Variants in PON3 observed in about 807,000 individuals in gnomAD.
The protein encoded by PON3 is serum paraoxonase/lactonase 3.
In PON3, 37 loss-of-function variants were observed where a neutral mutation model predicts 36.3. That is an observed-to-expected ratio of 1.02 (90% CI 0.78 to 1.34). The LOEUF is 1.34. Among genes scored for constraint, PON3 ranks in the 40% most tolerant of loss-of-function variants. The probability of loss-of-function intolerance (pLI) is 0.00; values close to 1 mark genes in which losing one functional copy is unlikely to be tolerated. For synonymous variants in PON3, 155 were observed against 154.8 expected (o/e 1.00, Z -0.01); for missense variants, 415 against 426.5 (o/e 0.97, Z 0.24).
chr7:95,370,604 T>A lies in PON3; in HGVS notation c.367+1569A>T, dbSNP rs1200658222. On this transcript the variant is annotated intron_variant, in intron 4 of 8. Coordinates refer to ENST00000265627, the MANE Select transcript of PON3 (RefSeq NM_000940.3). ...TTTCATGGAATTCTAGCACTTCAAT[T>A]TGGTCCTCCTTTCATGTGGTTACTG... 2.6e-5 allele frequency among the ~76,000 whole-genome samples: 4 copies of A among 152,332 alleles called. No homozygotes were observed. In the East Asian group the frequency reaches 7.7e-4, roughly 29 times the overall value.
chr7:95,385,189 A>T (rs760700370), intron 3 of PON3, among the ~76,000 whole-genome samples: 2 of 151,828 alleles, frequency 1.3e-5, no homozygotes, highest in Non-Finnish European at 1.5e-5. Context: ...AACATCACAC[A>T]CTGGGGCCTG....
chr7:95,375,697 G>A (rs1808901230), intron 3 of PON3, among the ~76,000 whole-genome samples: 1 of 152,164 alleles, frequency 6.6e-6, no homozygotes, highest in African/African-American at 2.4e-5. Flanking sequence ...AAACAAGCTT[G>A]GTCTAGATTA....
chr7:95,382,528 C>A (rs1225267966), intron 3 of PON3, among the ~76,000 whole-genome samples: 3 of 152,188 alleles, frequency 2.0e-5, no homozygotes, highest in Non-Finnish European at 2.9e-5. Flanking sequence ...GATATCACCA[C>A]TGATCCCACA....
chr7:95,367,746 T>C (rs541006576), intron 4 of PON3, among the ~76,000 whole-genome samples: 2 of 152,308 alleles, frequency 1.3e-5, no homozygotes, highest in East Asian at 3.9e-4. Context: ...CCATAGTCAC[T>C]TCACCCTTAT....
At chr7:95,384,679 T>C (rs1156319718) in intron 3 of PON3, among the ~76,000 whole-genome samples, 2 of 152,068 alleles carry the variant, frequency 1.3e-5, no homozygotes, top group South Asian at 2.1e-4. Context: ...AGAATGACGA[T>C]CATTAAAAGT....
intron 4 of PON3, among the ~76,000 whole-genome samples, chr7:95,371,057 T>A (rs1375247123): frequency 6.6e-6 from 1 of 152,230 alleles, no homozygotes; most frequent in African/African-American, 2.4e-5. Context: ...TGTGTGGCTT[T>A]TAGTGACTAA....
intron 3 of PON3, among the ~76,000 whole-genome samples, chr7:95,376,432 C>A (rs1259223379): frequency 6.6e-6 from 1 of 152,038 alleles, no homozygotes; most frequent in Non-Finnish European, 1.5e-5. Flanking sequence ...AAAGGAGAAA[C>A]CAAAAGAACA....
At chr7:95,364,761 T>C (rs965754034) in intron 5 of PON3, 1 of 153,134 alleles carries the variant, frequency 6.5e-6, no homozygotes, top group African/African-American at 2.4e-5. Flanking sequence ...ACCCAGTTCA[T>C]CTGGACCTTT....
At chr7:95,379,839 A>T (rs965936086) in intron 3 of PON3, among the ~76,000 whole-genome samples, 19 of 152,202 alleles carry the variant, frequency 1.2e-4, no homozygotes, top group Non-Finnish European at 1.9e-4. Context: ...CCTATCTGAC[A>T]GCTTTGAAGA....
chr7:95,377,322 T>A (rs1414161632), intron 3 of PON3, among the ~76,000 whole-genome samples: 2 of 152,164 alleles, frequency 1.3e-5, no homozygotes, highest in East Asian at 3.9e-4. Flanking sequence ...TTGCTGTAGA[T>A]TCCACCTCTG....
intron 3 of PON3, among the ~76,000 whole-genome samples, chr7:95,373,651 T>C (rs1207685013): frequency 6.6e-6 from 1 of 152,186 alleles, no homozygotes; most frequent in Non-Finnish European, 1.5e-5. Flanking sequence ...GTCTAGCTCT[T>C]ATATAGGGCA....
rs538886189 is a variant in PON3, at chr7:95,377,621, TACCC to T, written c.202-5287_202-5284del. 3.8e-3 allele frequency: 1,587 copies of T among 414,962 alleles called. 24 individuals carry two copies. The highest frequency in any genetic ancestry group is 0.031 in the African/African-American group (1,473 of 47,336). 25.7% of individuals were successfully genotyped at this position (414,962 alleles called of 1,614,324 possible). On this transcript the variant is annotated intron_variant, in intron 3 of 8. Transcript: ENST00000265627. ...GCCGTTCTGCAGCCTCCACTGGTGA[TACCC>T]AGGCAAACAGGGTCTGGAGTGGACT...
In PON3 at chr7:95,396,298, C is replaced by G. The variant is rs780152760; in HGVS notation, c.53G>C (p.Gly18Ala). ...VLLGVGLSLVGEMFLAFRERV... is the reference protein window; with the variant it reads ...VLLGVGLSLVAEMFLAFRERV... ...TCACCTAAACGCCAGGAACATCTCCCCGACTAAGGACAGGCCGACCCCCAG... is the reference window on the plus strand; with the variant it reads ...TCACCTAAACGCCAGGAACATCTCCGCGACTAAGGACAGGCCGACCCCCAG... Residue 18 changes from glycine (G) to alanine (A), a missense_variant, in exon 1 of 9, where the codon GGG (glycine) becomes GCG (alanine). By Grantham distance (60) the Gly-to-Ala change is moderately conservative. Transcript: ENST00000265627. 2.9e-5 allele frequency: 46 copies of G among 1,613,936 alleles called. No homozygotes were observed. The highest frequency in any genetic ancestry group is 3.9e-5 in the Non-Finnish European group (46 of 1,180,000).
intron 4 of PON3, among the ~76,000 whole-genome samples, chr7:95,371,663 T>C (rs1808810245): frequency 6.6e-6 from 1 of 152,218 alleles, no homozygotes; most frequent in Non-Finnish European, 1.5e-5. Flanking sequence ...TGTTAAGTTG[T>C]AAGAATTATT....
At position 95,376,885 on chromosome 7, in the gene PON3, T is replaced by C. The variant is rs549588469; in HGVS notation, c.202-4547A>G. Among the ~76,000 whole-genome samples the C allele has an allele frequency of 1.5e-3, 229 of 152,270 alleles. 1 individual carries two copies. Among genetic ancestry groups the C allele is most frequent in the Middle Eastern group, 0.01 (3 of 294 alleles). On this transcript the variant is annotated intron_variant, in intron 3 of 8. Coordinates refer to ENST00000265627, the MANE Select transcript of PON3 (RefSeq NM_000940.3). ...CGACTGAGGTACCTGGTCCATCTCA[T>C]TGGGACTGGTTGGACAGTGGGTGCA...
chr7:95,390,835 T>A (rs781163998), intron 2 of PON3, among the ~76,000 whole-genome samples: 24 of 152,020 alleles, frequency 1.6e-4, no homozygotes, highest in Non-Finnish European at 2.8e-4. Context: ...AAGTTTTGAC[T>A]GAGAACAAGT....
intron 5 of PON3, chr7:95,364,285 G>A: frequency 1.8e-6 from 1 of 567,822 alleles, no homozygotes; most frequent in Non-Finnish European, 3.1e-6. Context: ...CTCTTTCACA[G>A]AAATCAGTGA....
chr7:95,364,287 A>T, intron 5 of PON3: 2 of 567,666 alleles, frequency 3.5e-6, no homozygotes, highest in Admixed American at 6.1e-5. Context: ...CTTTCACAGA[A>T]ATCAGTGAAA....
chr7:95,362,275 T>A (rs1808586566), intron 8 of PON3, 87 bp downstream of exon 8: 2 of 1,546,798 alleles, frequency 1.3e-6, no homozygotes, highest in Non-Finnish European at 1.8e-6. Context: ...TAACACCAAA[T>A]GTGACTGGCT....
Sources: allele counts gnomAD v4.1 joint callset (sites outside exome capture counted in the v4.1 genomes callset), GRCh38; gene constraint gnomAD v4.1.1; transcripts MANE v1.5; gene names NCBI Gene and HGNC (gene_info 2026-07-23, HGNC 2026-07-21).